Variants in NAV3 observed in about 807,000 individuals in gnomAD.
The protein encoded by NAV3 is pore membrane and/or filament interacting like protein 1.
NAV3 carries 87 observed loss-of-function variants against 244.7 expected under a neutral mutation model. The observed-to-expected ratio is 0.36, with a 90% CI of 0.30 to 0.42. The LOEUF is 0.42. NAV3 is among the 20% of genes least tolerant of loss of function. The probability of loss-of-function intolerance (pLI) is 1.00; values close to 1 mark genes in which losing one functional copy is unlikely to be tolerated. For missense variants in NAV3, 2,663 were observed against 2,893.3 expected, an observed-to-expected ratio of 0.92 and a Z score of 1.83; for synonymous variants, 1,126 against 1,042.2, an observed-to-expected ratio of 1.08 and a Z score of -1.55.
intron 5 of NAV3, among the ~76,000 whole-genome samples, chr12:77,985,306 C>T (rs571352061): frequency 6.6e-5 from 10 of 152,232 alleles, no homozygotes; most frequent in African/African-American, 2.4e-4. Context: ...TTGCATAAAT[C>T]AATCTTCATG....
At chr12:78,013,617 T>C (rs1189017750) in intron 8 of NAV3, among the ~76,000 whole-genome samples, 1 of 152,128 alleles carries the variant, frequency 6.6e-6, no homozygotes, top group East Asian at 1.9e-4. Flanking sequence ...ACTTGGACTT[T>C]ATGTATGTAT....
chr12:77,628,531 A>G lies in NAV3; in HGVS notation c.72+56265A>G, dbSNP rs188897649. ...TGAATTTTTCAATAGTAATTTTTAT[A>G]AACTATTAATTACGTTATCTATTTT... On this transcript the variant is annotated intron_variant, in intron 2 of 8. Transcript: ENST00000550042. 7.5e-3 allele frequency among the ~76,000 whole-genome samples: 1,145 copies of G among 152,326 alleles called. 12 individuals carry two copies. Among genetic ancestry groups the G allele is most frequent in the Non-Finnish European group, 0.011 (755 of 68,018 alleles).
intron 18 of NAV3, among the ~76,000 whole-genome samples, chr12:78,136,361 T>C (rs1956373522): frequency 6.6e-6 from 1 of 152,240 alleles, no homozygotes; most frequent in Admixed American, 6.5e-5. Flanking sequence ...TATATTGTTT[T>C]CCAATGTAGT....
chr12:78,030,525 C>G (rs1878800830), intron 9 of NAV3, among the ~76,000 whole-genome samples: 1 of 152,142 alleles, frequency 6.6e-6, no homozygotes, highest in African/African-American at 2.4e-5. Context: ...CTCCCTGGTT[C>G]CCTTTTCTGT....
At chr12:77,735,872 G>A (rs1369453428) in intron 2 of NAV3, among the ~76,000 whole-genome samples, 1 of 152,122 alleles carries the variant, frequency 6.6e-6, no homozygotes, top group African/African-American at 2.4e-5. Context: ...TATTTAGAAA[G>A]AGTTACTAAA....
intron 2 of NAV3, among the ~76,000 whole-genome samples, chr12:77,727,654 C>T (rs1876937996): frequency 6.6e-6 from 1 of 151,854 alleles, no homozygotes; most frequent in Non-Finnish European, 1.5e-5. Context: ...TATGACAGGG[C>T]CCAGGTTCTA....
intron 23 of NAV3, among the ~76,000 whole-genome samples, chr12:78,168,401 C>T (rs1957867760): frequency 6.6e-6 from 1 of 151,724 alleles, no homozygotes; most frequent in Non-Finnish European, 1.5e-5. Context: ...ATCTAAATAT[C>T]TAATGTAATC....
chr12:78,172,305 T>C (rs1391976608), intron 24 of NAV3, among the ~76,000 whole-genome samples: 1 of 151,688 alleles, frequency 6.6e-6, no homozygotes, highest in East Asian at 1.9e-4. Context: ...AACATAGTTA[T>C]ATTGAATGAA....
intron 9 of NAV3, among the ~76,000 whole-genome samples, chr12:78,022,499 T>C (rs1030048267): frequency 3.3e-5 from 5 of 151,996 alleles, no homozygotes; most frequent in Admixed American, 2.0e-4. Flanking sequence ...TAGCAAAATA[T>C]ATTGCCCCTA....
chr12:77,873,744 G>GTGTGTATATATATATATATATA lies in NAV3; in HGVS notation c.243+42041_243+42042insGTGTATATATATATATATATAT, dbSNP rs776225440. ...CTTATCTAAATACATATGTGTGTGT[G>GTGTGTATATATATATATATATA]TATATATATATATATATATATATGT... On this transcript the variant is annotated intron_variant, in intron 1 of 39. Coordinates refer to ENST00000397909, the MANE Select transcript of NAV3 (RefSeq NM_001024383.2). Among the ~76,000 whole-genome samples, 41 of 73,158 alleles carry GTGTGTATATATATATATATATA rather than the reference G, an allele frequency of 5.6e-4. 1 individual carries two copies. Among genetic ancestry groups the GTGTGTATATATATATATATATA allele is most frequent in the African/African-American group, 6.7e-4 (15 of 22,312 alleles). 48.0% of individuals were successfully genotyped at this position (73,158 alleles called of 152,430 possible). A position where few individuals can be genotyped will look rare whatever the true frequency, so the allele number is the denominator to read the frequency against.
chr12:78,033,220 A>ATGATCAC, intron 9 of NAV3, among the ~76,000 whole-genome samples: 1 of 151,426 alleles, frequency 6.6e-6, no homozygotes, highest in Middle Eastern at 3.4e-3. Flanking sequence ...ATCTCTGTAA[A>ATGATCAC]TGATCACTGA....
intron 1 of NAV3, among the ~76,000 whole-genome samples, chr12:77,894,497 T>TA (rs1884336622): frequency 6.6e-6 from 1 of 152,062 alleles, no homozygotes; most frequent in African/African-American, 2.4e-5. Flanking sequence ...AAGCTACCCA[T>TA]AATAACAACA....
intron 8 of NAV3, among the ~76,000 whole-genome samples, chr12:78,020,467 C>A (rs978673767): frequency 1.3e-5 from 2 of 152,060 alleles, no homozygotes; most frequent in Admixed American, 6.6e-5. Flanking sequence ...AAAATAGGAA[C>A]AGTCTGTCAG....
chr12:77,578,808 CAT>C (rs1445067356), intron 2 of NAV3, among the ~76,000 whole-genome samples: 7 of 152,084 alleles, frequency 4.6e-5, no homozygotes, highest in Non-Finnish European at 1.0e-4. Flanking sequence ...ACGCCCTCTC[CAT>C]TGTTGATGGC....
intron 2 of NAV3, among the ~76,000 whole-genome samples, chr12:77,680,874 G>T (rs574898911): frequency 6.6e-6 from 1 of 152,258 alleles, no homozygotes; most frequent in East Asian, 1.9e-4. Context: ...CCAAGAAAGA[G>T]TACTCAATAG....
intron 2 of NAV3, chr12:77,775,906 C>A (rs1395939740): frequency 1.3e-5 from 2 of 152,224 alleles, no homozygotes; most frequent in East Asian, 3.8e-4. Flanking sequence ...TGTGTACATG[C>A]ATGATTGGCA....
intron 2 of NAV3, among the ~76,000 whole-genome samples, chr12:77,735,890 T>C (rs1309538917): frequency 1.3e-5 from 2 of 152,138 alleles, no homozygotes; most frequent in Admixed American, 6.5e-5. Context: ...AAAATTACAA[T>C]AGAACATTTT....
intron 20 of NAV3, among the ~76,000 whole-genome samples, chr12:78,140,983 C>T (rs1216626936): frequency 6.6e-6 from 1 of 151,904 alleles, no homozygotes; most frequent in East Asian, 1.9e-4. Context: ...CCTTGAACTC[C>T]TGGGCTCAAG....
chr12:78,035,835 T>C (rs1879772822), intron 9 of NAV3, among the ~76,000 whole-genome samples: 1 of 152,172 alleles, frequency 6.6e-6, no homozygotes. Context: ...ATTAGGGAAG[T>C]CTTTCCCTTT....
Sources: allele counts gnomAD v4.1 joint callset (sites outside exome capture counted in the v4.1 genomes callset), GRCh38; gene constraint gnomAD v4.1.1; transcripts MANE v1.5; gene names NCBI Gene and HGNC (gene_info 2026-07-23, HGNC 2026-07-21).